Variants in MLIP observed in about 807,000 individuals in gnomAD.
MLIP encodes the protein muscular LMNA interacting protein.
Under a neutral mutation model 84.8 loss-of-function variants are expected in MLIP, and 79 were observed. The observed-to-expected ratio is 0.93, with a 90% CI of 0.78 to 1.12. The LOEUF is 1.12. MLIP is among the 50% of genes most tolerant of loss of function. MLIP has a pLI of 0.00. For synonymous variants in MLIP, 504 were observed against 463.0 expected (o/e 1.09, Z -1.14); for missense variants, 1,257 against 1,160.6 (o/e 1.08, Z -1.21).
At chr6:54,080,095 A>G (rs532342763) in intron 1 of MLIP, among the ~76,000 whole-genome samples, 2 of 152,032 alleles carry the variant, frequency 1.3e-5, no homozygotes, top group Admixed American at 6.6e-5. Flanking sequence ...CCATGCTGTA[A>G]TTTACCAAAC....
chr6:54,095,004 C>A (rs1324242400), intron 1 of MLIP, among the ~76,000 whole-genome samples: 3 of 152,140 alleles, frequency 2.0e-5, no homozygotes, highest in African/African-American at 7.2e-5. Flanking sequence ...AAATGAATTA[C>A]ATTTGGGTGA....
At chr6:54,116,552 C>T (rs1447978576) in intron 1 of MLIP, among the ~76,000 whole-genome samples, 1 of 152,098 alleles carries the variant, frequency 6.6e-6, no homozygotes, top group Non-Finnish European at 1.5e-5. Flanking sequence ...TTATGAAGAA[C>T]AGAAAATCTG....
chr6:54,113,801 T>C (rs78091768), intron 1 of MLIP, among the ~76,000 whole-genome samples: 59 of 152,304 alleles, frequency 3.9e-4, no homozygotes, highest in African/African-American at 1.3e-3. Flanking sequence ...CAACTCTGTT[T>C]CCTGAGCACA....
intron 12 of MLIP, among the ~76,000 whole-genome samples, chr6:54,235,836 G>T (rs1419827092): frequency 6.6e-6 from 1 of 151,982 alleles, no homozygotes; most frequent in Admixed American, 6.5e-5. Context: ...GGAGGCAGGG[G>T]GCATCTGACC....
At chr6:54,243,975 C>T (rs1781909263) in intron 12 of MLIP, among the ~76,000 whole-genome samples, 2 of 152,130 alleles carry the variant, frequency 1.3e-5, no homozygotes, top group Non-Finnish European at 2.9e-5. Flanking sequence ...TCTCCAGGCA[C>T]CAACATTCTT....
intron 1 of MLIP, chr6:54,046,192 C>T (rs1765040519): frequency 6.6e-6 from 1 of 151,966 alleles, no homozygotes; most frequent in African/African-American, 2.4e-5. Flanking sequence ...AATACCCTTT[C>T]CATAAATGTT....
intron 5 of MLIP, among the ~76,000 whole-genome samples, chr6:54,151,257 A>C (rs1773413815): frequency 6.6e-6 from 1 of 152,156 alleles, no homozygotes; most frequent in Non-Finnish European, 1.5e-5. Flanking sequence ...ACTTTGTAAG[A>C]ATTTTAAAAT....
At chr6:54,215,059 T>C in intron 11 of MLIP, 1 of 966,670 alleles carries the variant, frequency 1.0e-6, no homozygotes, top group Admixed American at 2.1e-5. Flanking sequence ...TGGACCCTGG[T>C]CTCTGCCTTT....
intron 9 of MLIP, among the ~76,000 whole-genome samples, chr6:54,179,992 A>G (rs1026180874): frequency 6.6e-6 from 1 of 152,154 alleles, no homozygotes; most frequent in Admixed American, 6.5e-5. Context: ...TCTGATGTTA[A>G]TGAAATCCTT....
Position 54,117,371 on chromosome 6 carries a change from C to T in MLIP, c.97-4076C>T, listed in dbSNP as rs149557783. Among the ~76,000 whole-genome samples the T allele has an allele frequency of 3.8e-3, 576 of 151,700 alleles. 7 individuals are homozygous for T. The highest frequency in any genetic ancestry group is 0.013 in the African/African-American group (531 of 41,400). On this transcript the variant is annotated intron_variant, in intron 1 of 13. Coordinates refer to ENST00000502396, the MANE Select transcript of MLIP (RefSeq NM_001281747.2). ...CTGGGACTACAGGCACCCGCCACGA[C>T]GCCTGGCTAATTTTTTGTATTTTTA...
chr6:54,126,194 A>G (rs1770906841), intron 3 of MLIP, among the ~76,000 whole-genome samples: 1 of 152,078 alleles, frequency 6.6e-6, no homozygotes, highest in South Asian at 2.1e-4. Context: ...TTCCATTGTT[A>G]GGGGAGGACA....
At position 54,095,752 on chromosome 6, in the gene MLIP, G is replaced by A. The variant is rs546627328; in HGVS notation, c.64-25695G>A. On this transcript the variant is annotated intron_variant, in intron 1 of 12. Coordinates refer to the MLIP transcript ENST00000274897. ...TTATGAGAGAAGAGTAAAAACAACA[G>A]CGGAAGCTTAGTCAGAGTTTGCAGA... Among the ~76,000 whole-genome samples the A allele has an allele frequency of 1.6e-4, 24 of 152,290 alleles. 1 individual carries two copies. The highest frequency in any genetic ancestry group is 4.8e-4 in the African/African-American group (20 of 41,572).
intron 1 of MLIP, among the ~76,000 whole-genome samples, chr6:54,053,679 T>C (rs759582560): frequency 6.6e-5 from 10 of 152,222 alleles, no homozygotes; most frequent in African/African-American, 9.6e-5. Flanking sequence ...CTAATATACC[T>C]TGTAGAGTTG....
At chr6:54,097,369 CTTACTT>C (rs1236252556) in intron 1 of MLIP, among the ~76,000 whole-genome samples, 1 of 152,110 alleles carries the variant, frequency 6.6e-6, no homozygotes, top group Non-Finnish European at 1.5e-5. Context: ...TTTAAAGAAA[CTTACTT>C]TTAATTACTT....
Position 54,074,407 on chromosome 6 carries a change from A to ATT in MLIP, c.64-47032_64-47031dup, listed in dbSNP as rs138533900. On this transcript the variant is annotated intron_variant, in intron 1 of 12. Transcript: ENST00000274897. ...GAGAAAAAATAAAATTAACGCGATG[A>ATT]TTTTTTTTTCTGTTGGCTGTCATAT... is the stretch of plus-strand genomic sequence containing the variant. 1.5e-4 allele frequency among the ~76,000 whole-genome samples: 22 copies of ATT among 151,422 alleles called. No homozygotes were observed. In the East Asian group the frequency reaches 3.9e-3, roughly 27 times the overall value.
At chr6:54,164,487 T>C (rs1474176620) in intron 8 of MLIP, among the ~76,000 whole-genome samples, 1 of 151,944 alleles carries the variant, frequency 6.6e-6, no homozygotes, top group Non-Finnish European at 1.5e-5. Context: ...TAATATTTAA[T>C]CACTGTAAAC....
intron 8 of MLIP, among the ~76,000 whole-genome samples, chr6:54,161,848 C>T (rs1373045324): frequency 6.6e-6 from 1 of 151,636 alleles, no homozygotes; most frequent in Non-Finnish European, 1.5e-5. Context: ...ATGCTTTAAG[C>T]CTTTTAATCT....
At chr6:54,028,986 A>T (rs1036097847) in intron 1 of MLIP, 13 of 152,124 alleles carry the variant, frequency 8.5e-5, no homozygotes, top group Non-Finnish European at 1.3e-4. Flanking sequence ...TCTCTTTGCC[A>T]GGTCTCTTAT....
chr6:54,158,959 C>CTAGA (rs1220918090), intron 5 of MLIP, among the ~76,000 whole-genome samples: 1 of 152,084 alleles, frequency 6.6e-6, no homozygotes, highest in Non-Finnish European at 1.5e-5. Context: ...GTTGCCCAGG[C>CTAGA]TAGAGTGCAG....
Sources: allele counts gnomAD v4.1 joint callset (sites outside exome capture counted in the v4.1 genomes callset), GRCh38; gene constraint gnomAD v4.1.1; transcripts MANE v1.5; gene names NCBI Gene and HGNC (gene_info 2026-07-23, HGNC 2026-07-21).